CDC42BPA: variants seen among roughly 807,000 people sequenced by gnomAD.
CDC42BPA encodes CDC42 binding protein kinase alpha, also known as serine/threonine-protein kinase MRCK alpha.
In CDC42BPA, 80 loss-of-function variants were observed where a neutral mutation model predicts 223.5. The observed-to-expected ratio is 0.36, with a 90% confidence interval of 0.30 to 0.43. The LOEUF (loss-of-function observed/expected upper bound fraction) is 0.43, where lower values mean the gene tolerates loss of function less well. Ranked by LOEUF, CDC42BPA falls within the 20% of genes least tolerant of loss-of-function variation. The probability of loss-of-function intolerance (pLI) is 1.00; values close to 1 mark genes in which losing one functional copy is unlikely to be tolerated. For synonymous variants in CDC42BPA, 694 were observed against 718.6 expected (o/e 0.97, Z 0.55); for missense variants, 1,743 against 2,099.9 (o/e 0.83, Z 3.32).
In CDC42BPA at chr1:227,163,740, A is replaced by ATAT. The variant is rs936652813; in HGVS notation, c.600-3105_600-3104insATA. Among the ~76,000 whole-genome samples, 55 of 141,762 alleles carry ATAT rather than the reference A, an allele frequency of 3.9e-4. 1 individual carries two copies. Among genetic ancestry groups the ATAT allele is most frequent in the African/African-American group, 1.4e-3 (54 of 39,232 alleles). 93.0% of individuals were successfully genotyped at this position (141,762 alleles called of 152,430 possible). A position where few individuals can be genotyped will look rare whatever the true frequency, so the allele number is the denominator to read the frequency against. ...ATGTCCTTCTTATTTGTAAAAAAAA[A>ATAT]AAATATATATATATATAAAATACTA... On this transcript the variant is annotated intron_variant, in intron 5 of 36. Transcript: ENST00000366766.
chr1:227,241,934 T>C (rs1394058845), intron 2 of CDC42BPA, among the ~76,000 whole-genome samples: 4 of 152,064 alleles, frequency 2.6e-5, no homozygotes, highest in Non-Finnish European at 5.9e-5. Flanking sequence ...TTTCAGAGAA[T>C]TGAGAAAAAA....
At chr1:227,043,874 T>C (rs1172963791) in intron 23 of CDC42BPA, among the ~76,000 whole-genome samples, 1 of 152,106 alleles carries the variant, frequency 6.6e-6, no homozygotes, top group East Asian at 1.9e-4. Flanking sequence ...AGGAAAGAGA[T>C]TTTTCTGATG....
chr1:227,071,616 C>T (rs1217178072), intron 20 of CDC42BPA, among the ~76,000 whole-genome samples: 3 of 151,106 alleles, frequency 2.0e-5, no homozygotes, highest in East Asian at 1.9e-4. Flanking sequence ...CATTAAAATG[C>T]CCCCCAAAAT....
intron 2 of CDC42BPA, among the ~76,000 whole-genome samples, chr1:227,231,644 G>A (rs1203738604): frequency 9.0e-6 from 1 of 111,556 alleles, no homozygotes; most frequent in Non-Finnish European, 2.0e-5. Flanking sequence ...TCCAGCACCT[G>A]TTGTTTCCTG....
intron 1 of CDC42BPA, among the ~76,000 whole-genome samples, chr1:227,298,011 TA>T (rs1691000517): frequency 6.8e-6 from 1 of 146,410 alleles, no homozygotes; most frequent in South Asian, 2.1e-4. Flanking sequence ...TATATATACA[TA>T]ATATATACAT....
At chr1:227,199,503 T>C (rs1671352305) in intron 4 of CDC42BPA, 54 bp downstream of exon 4, 6 of 987,122 alleles carry the variant, frequency 6.1e-6, no homozygotes, top group Non-Finnish European at 9.5e-6. Flanking sequence ...ATAAAAATAA[T>C]GCTAATTCTT....
intron 1 of CDC42BPA, among the ~76,000 whole-genome samples, chr1:227,298,748 G>C (rs1245318765): frequency 1.3e-5 from 2 of 152,120 alleles, no homozygotes; most frequent in East Asian, 3.8e-4. Context: ...GTGGCTTATA[G>C]GTTTCAGTGA....
At position 226,991,355 on chromosome 1, in the gene CDC42BPA, A is replaced by G. The variant is rs1558223893; in HGVS notation, c.*2913T>C. On this transcript the variant is annotated 3_prime_UTR_variant, in exon 37 of 37. Coordinates refer to ENST00000366766, the MANE Select transcript of CDC42BPA (RefSeq NM_001394014.1). ...TGAGCTGTGCTACTGACTCCTCTGA[A>G]TGGTCATTATGTTTTCTTTGCCTAG... The G allele has an allele frequency of 6.6e-6, 1 of 152,184 alleles. No homozygotes were observed. Among genetic ancestry groups the G allele is most frequent in the Non-Finnish European group, 1.5e-5 (1 of 68,024 alleles). 9.4% of individuals were successfully genotyped at this position (152,184 alleles called of 1,614,324 possible).
rs544410448 is a variant in CDC42BPA, at chr1:227,079,994, G to A, written c.2480+899C>T. ...AGCCTGAAGGTTAACTTTTTACAAT[G>A]TTTTATAATAATTTCTTGTGTATGA... On this transcript the variant is annotated intron_variant, in intron 17 of 36. Coordinates refer to ENST00000366766, the MANE Select transcript of CDC42BPA (RefSeq NM_001394014.1). 2.7e-5 allele frequency among the ~76,000 whole-genome samples: 4 copies of A among 148,648 alleles called. No individual in the cohort carries two copies. In the South Asian group the frequency reaches 8.4e-4, roughly 31 times the overall value.
At chr1:227,041,303 T>C (rs1405395876) in intron 23 of CDC42BPA, among the ~76,000 whole-genome samples, 2 of 152,060 alleles carry the variant, frequency 1.3e-5, no homozygotes, top group Non-Finnish European at 2.9e-5. Context: ...CCTCCCTCCT[T>C]CCCCTTCTCT....
intron 21 of CDC42BPA, among the ~76,000 whole-genome samples, chr1:227,056,203 ATAAT>A (rs1295348037): frequency 6.6e-6 from 1 of 152,136 alleles, no homozygotes; most frequent in Non-Finnish European, 1.5e-5. Flanking sequence ...TACTGCCTAA[ATAAT>A]TACAGATTTG....
At chr1:227,227,589 C>T (rs1677069951) in intron 2 of CDC42BPA, among the ~76,000 whole-genome samples, 2 of 152,100 alleles carry the variant, frequency 1.3e-5, no homozygotes, top group African/African-American at 2.4e-5. Flanking sequence ...ACTGGCATGG[C>T]ATCAAAATTA....
intron 5 of CDC42BPA, among the ~76,000 whole-genome samples, chr1:227,177,297 C>A (rs182459208): frequency 1.3e-5 from 2 of 152,136 alleles, no homozygotes; most frequent in East Asian, 3.9e-4. Flanking sequence ...GCAATGAATT[C>A]TTTTGGGTTA....
At position 227,056,373 on chromosome 1, in the gene CDC42BPA, G is replaced by GTTTCT. The variant is rs200929334; in HGVS notation, c.2905-4393_2905-4389dup. ...ATAAACTGTAAGTTAAAAAGTCCCA[G>GTTTCT]TTTCTTTTCTTTTCTTTTCTTTTTT... On this transcript the variant is annotated intron_variant, in intron 21 of 36. Coordinates refer to ENST00000366766, the MANE Select transcript of CDC42BPA (RefSeq NM_001394014.1). Among the ~76,000 whole-genome samples the GTTTCT allele has an allele frequency of 1.5e-4, 23 of 150,128 alleles. No homozygotes were observed. The South Asian group carries it at 3.5e-3, about 23-fold the overall frequency.
intron 1 of CDC42BPA, among the ~76,000 whole-genome samples, chr1:227,286,847 T>C (rs571923361): frequency 5.9e-5 from 9 of 152,270 alleles, no homozygotes; most frequent in African/African-American, 1.4e-4. Context: ...GCAAAAGTAA[T>C]TGCGGTTTTA....
rs1553355411 is a variant in CDC42BPA at position 227,133,973 on chromosome 1, G to GAATAAATGAATA, written c.1391-4743_1391-4742insTATTCATTTATT. ...AAGAATGATCAATAAAAAAATAAATGAATAAATAAATAAATAAATAAATAA... is the reference window on the plus strand; with the variant it reads ...AAGAATGATCAATAAAAAAATAAATGAATAAATGAATAAATAAATAAATAAATAAATAAATAA... On this transcript the variant is annotated intron_variant, in intron 10 of 36. Transcript: ENST00000366766. Among the ~76,000 whole-genome samples, 6 of 146,378 alleles carry GAATAAATGAATA rather than the reference G, an allele frequency of 4.1e-5. No individual in the cohort carries two copies. In the East Asian group the frequency reaches 1.2e-3, roughly 29 times the overall value.
intron 21 of CDC42BPA, chr1:227,059,255 T>A (rs1572541691): frequency 1.3e-6 from 1 of 790,234 alleles, no homozygotes; most frequent in African/African-American, 1.8e-5. Context: ...GCACAAAGCA[T>A]GCAATAGATG....
chr1:227,299,872 TA>T (rs1419246754), intron 1 of CDC42BPA, among the ~76,000 whole-genome samples: 1 of 152,214 alleles, frequency 6.6e-6, no homozygotes, highest in African/African-American at 2.4e-5. Context: ...TGTTTTTCAA[TA>T]TGCATCTGAA....
At position 227,239,969 on chromosome 1, in the gene CDC42BPA, G is replaced by A. The variant is rs1009127794; in HGVS notation, c.270+14095C>T. Among the ~76,000 whole-genome samples, 9 of 152,172 alleles carry A rather than the reference G, an allele frequency of 5.9e-5. No individual in the cohort carries two copies. The South Asian group carries it at 1.5e-3, about 25-fold the overall frequency. ...AGAAAGTCTACAAAGTAAAAAGGAT[G>A]CGTCCCTATTCTGAAAATCCTATTA... is the stretch of plus-strand genomic sequence containing the variant. On this transcript the variant is annotated intron_variant, in intron 2 of 36. Transcript: ENST00000366766.
Sources: allele counts gnomAD v4.1 joint callset (sites outside exome capture counted in the v4.1 genomes callset), GRCh38; gene constraint gnomAD v4.1.1; transcripts MANE v1.5; gene names NCBI Gene and HGNC (gene_info 2026-07-23, HGNC 2026-07-21).